Variants in MCPH1 observed in about 807,000 individuals in gnomAD.
The protein encoded by MCPH1 is microcephalin.
A neutral mutation model predicts 84.5 loss-of-function variants in MCPH1; 104 were observed. That is an observed-to-expected ratio of 1.23 (90% CI 1.05 to 1.45). MCPH1 has a LOEUF of 1.45. Ranked by LOEUF, MCPH1 falls within the 40% of genes most tolerant of loss-of-function variation. The pLI is 0.00. For missense variants in MCPH1, 1,498 were observed against 1,005.7 expected (o/e 1.49, Z -6.62); for synonymous variants, 514 against 366.8 (o/e 1.40, Z -4.58).
chr8:6,640,059 C>CGTGTGTGTGTGTGTGTGTGTGTGTGTGT (rs147642349), intron 13 of MCPH1, among the ~76,000 whole-genome samples: 1 of 134,196 alleles, frequency 7.5e-6, no homozygotes, highest in Non-Finnish European at 1.6e-5. Flanking sequence ...ATTTTAAACT[C>CGTGTGTGTGTGTGTGTGTGTGTGTGTGT]GTGTGTGTGT....
chr8:6,504,179 G>A (rs375261756), intron 12 of MCPH1, among the ~76,000 whole-genome samples: 5 of 151,960 alleles, frequency 3.3e-5, no homozygotes, highest in African/African-American at 4.8e-5. Context: ...TTAGCCGGGC[G>A]TGGTGGCGGA....
At chr8:6,642,877 A>T in intron 13 of MCPH1, 117 bp from the exon 14 acceptor site, 1 of 954,910 alleles carries the variant, frequency 1.0e-6, no homozygotes, top group South Asian at 1.4e-5. Flanking sequence ...GCCTATGGAC[A>T]ACACAGCTCT....
chr8:6,586,739 C>G (rs922862277), intron 12 of MCPH1, among the ~76,000 whole-genome samples: 2 of 152,114 alleles, frequency 1.3e-5, no homozygotes, highest in Non-Finnish European at 2.9e-5. Context: ...TTCTATGGGC[C>G]GCGGGAGCCC....
At position 6,475,170 on chromosome 8, in the gene MCPH1, A is replaced by G. The variant is rs11137030; in HGVS notation, c.1936-2424A>G. ...CATGATGGTTATCCCAGGATGAGAG[A>G]CAATAGCTGCTTTGAAAGTTCCCCT... On this transcript the variant is annotated intron_variant, in intron 9 of 13. Transcript: ENST00000344683. 1.2e-3 allele frequency among the ~76,000 whole-genome samples: 188 copies of G among 152,344 alleles called. 3 individuals are homozygous for G. In the East Asian group the frequency reaches 0.03, roughly 25 times the overall value.
chr8:6,473,320 C>CTTTTTTTTTT (rs56077837), intron 9 of MCPH1, among the ~76,000 whole-genome samples: 1 of 76,396 alleles, frequency 1.3e-5, no homozygotes, highest in African/African-American at 5.3e-5. Flanking sequence ...TCTCTCAATC[C>CTTTTTTTTTT]TTTTTTTTTT....
At chr8:6,536,370 A>G (rs1820503344) in intron 12 of MCPH1, among the ~76,000 whole-genome samples, 1 of 150,856 alleles carries the variant, frequency 6.6e-6, no homozygotes, top group Non-Finnish European at 1.5e-5. Context: ...ATGTTAGCTC[A>G]ACCCAGAGGC....
chr8:6,444,024 A>G (rs1055032212), intron 7 of MCPH1, among the ~76,000 whole-genome samples: 1 of 152,224 alleles, frequency 6.6e-6, no homozygotes, highest in African/African-American at 2.4e-5. Flanking sequence ...AACTTTCCCT[A>G]GATCTTACAA....
In MCPH1 at chr8:6,514,067, A is replaced by T. The variant is rs529549917; in HGVS notation, c.2214+14138A>T. Among the ~76,000 whole-genome samples, 15 of 152,294 alleles carry T rather than the reference A, an allele frequency of 9.8e-5. No individual in the cohort carries two copies. The East Asian group carries it at 2.9e-3, about 29-fold the overall frequency. Reference sequence around the variant, plus strand: ...AGAAAACTTGTATTAGGATAATGAGAACTACTTGGGGAGCCACCAGCAGAA... The same window carrying T: ...AGAAAACTTGTATTAGGATAATGAGTACTACTTGGGGAGCCACCAGCAGAA... On this transcript the variant is annotated intron_variant, in intron 12 of 13. Transcript: ENST00000344683.
intron 13 of MCPH1, among the ~76,000 whole-genome samples, chr8:6,639,737 T>A (rs1367044048): frequency 1.3e-5 from 2 of 152,130 alleles, no homozygotes; most frequent in African/African-American, 2.4e-5. Context: ...GGATTTGTTT[T>A]TATATATATT....
rs548566184 is a variant in MCPH1 at position 6,584,410 on chromosome 8, C to T, written c.2215-37044C>T. Reference sequence around the variant, plus strand: ...ATATACCAACTGATTTAAAAGGAGACACAGCAGATGGAGATTATTGTGAAA... The same window carrying T: ...ATATACCAACTGATTTAAAAGGAGATACAGCAGATGGAGATTATTGTGAAA... On this transcript the variant is annotated intron_variant, in intron 12 of 13. Transcript: ENST00000344683. Among the ~76,000 whole-genome samples, 3 of 152,324 alleles carry T rather than the reference C, an allele frequency of 2.0e-5. No homozygotes were observed. In the East Asian group the frequency reaches 5.8e-4, roughly 29 times the overall value.
At chr8:6,425,901 C>G (rs1800988834) in intron 3 of MCPH1, among the ~76,000 whole-genome samples, 1 of 152,124 alleles carries the variant, frequency 6.6e-6, no homozygotes, top group African/African-American at 2.4e-5. Flanking sequence ...TATCTAGGGT[C>G]TCCTCTACGT....
At chr8:6,489,000 A>T (rs547703213) in intron 11 of MCPH1, among the ~76,000 whole-genome samples, 1 of 152,022 alleles carries the variant, frequency 6.6e-6, no homozygotes, top group Admixed American at 6.6e-5. Flanking sequence ...CTCCCACCCA[A>T]ATTTTTTCCT....
At chr8:6,611,702 T>C (rs975979255) in intron 12 of MCPH1, among the ~76,000 whole-genome samples, 2 of 152,248 alleles carry the variant, frequency 1.3e-5, no homozygotes, top group East Asian at 3.9e-4. Context: ...CCCTGCAAGC[T>C]CCGCCTCCCG....
intron 4 of MCPH1, among the ~76,000 whole-genome samples, chr8:6,433,236 T>C (rs1180390310): frequency 3.9e-5 from 6 of 152,232 alleles, no homozygotes; most frequent in African/African-American, 1.4e-4. Context: ...TTAAGCCACA[T>C]ATTTGAGTTT....
In MCPH1 at chr8:6,644,988, A is replaced by T. The variant is rs1404781347; in HGVS notation, c.*1939A>T. On this transcript the variant is annotated 3_prime_UTR_variant, in exon 14 of 14. Transcript: ENST00000344683. ...CTAACAGCAATTGAACTTCAATACA[A>T]TGAGTCATTCCTGAGTTCACTCGCT... 1 of 152,244 alleles carries T rather than the reference A, an allele frequency of 6.6e-6. No homozygotes were observed. Among genetic ancestry groups the T allele is most frequent in the Non-Finnish European group, 1.5e-5 (1 of 68,046 alleles). 9.4% of individuals were successfully genotyped at this position (152,244 alleles called of 1,614,324 possible).
At chr8:6,467,409 C>G (rs1807112880) in intron 9 of MCPH1, among the ~76,000 whole-genome samples, 3 of 152,072 alleles carry the variant, frequency 2.0e-5, no homozygotes, top group African/African-American at 7.2e-5. Context: ...CAATCTAGTT[C>G]TCATCATTAA....
At chr8:6,484,594 T>C (rs1262555810) in intron 11 of MCPH1, among the ~76,000 whole-genome samples, 2 of 152,240 alleles carry the variant, frequency 1.3e-5, no homozygotes, top group African/African-American at 2.4e-5. Context: ...GCCTTACTTA[T>C]CATCAGCTGG....
intron 12 of MCPH1, among the ~76,000 whole-genome samples, chr8:6,611,181 GT>G (rs1830232667): frequency 6.6e-6 from 1 of 151,974 alleles, no homozygotes; most frequent in Admixed American, 6.6e-5. Flanking sequence ...AAATGTATGG[GT>G]TTTTTTCATG....
chr8:6,621,704 G>A lies in MCPH1; in HGVS notation c.2452+13G>A, dbSNP rs1376510112. On this transcript the variant is annotated intron_variant, in intron 13 of 13. Coordinates refer to ENST00000344683, the MANE Select transcript of MCPH1 (RefSeq NM_024596.5). ...AAATGGGTCTTAGGTAAGAATCCAG[G>A]CACACAGACGCTGTGGTGTGGTCCA... 7 of 1,614,022 alleles carry A rather than the reference G, an allele frequency of 4.3e-6. No individual in the cohort carries two copies. The highest frequency in any genetic ancestry group is 5.9e-6 in the Non-Finnish European group (7 of 1,180,026).
Sources: gnomAD v4.1 joint callset for allele counts (sites outside exome capture counted in the v4.1 genomes callset) on GRCh38, gnomAD v4.1.1 for gene constraint, MANE v1.5 for transcripts, NCBI Gene and HGNC (gene_info 2026-07-23, HGNC 2026-07-21) for gene names.